The following GAB3 variants were observed in gnomAD, a reference collection of about 807,000 sequenced individuals.
GAB3 encodes the protein GRB2 associated binding protein 3, also known as GRB2-associated-binding protein 3.
In GAB3, 12 loss-of-function variants were observed where a neutral mutation model predicts 40.4. The observed-to-expected ratio is 0.30, with a 90% CI of 0.19 to 0.48. The LOEUF (loss-of-function observed/expected upper bound fraction) is 0.48, where lower values mean the gene tolerates loss of function less well. GAB3 is among the 20% of genes least tolerant of loss of function. GAB3 has a pLI of 0.99. For missense variants in GAB3, 381 were observed against 461.9 expected (o/e 0.82, Z 1.61); for synonymous variants, 154 against 176.7 (o/e 0.87, Z 1.02).
At chrX:154,732,004 C>T (rs1316685282) in intron 1 of GAB3, among the ~76,000 whole-genome samples, 1 of 111,726 alleles carries the variant, frequency 9.0e-6, no homozygotes, top group Non-Finnish European at 1.9e-5. Flanking sequence ...GAAATCAGAT[C>T]GTCTGCTTCG....
intron 2 of GAB3, among the ~76,000 whole-genome samples, chrX:154,715,421 CGTGTGGCAGAG>C (rs2071031616): frequency 3.8e-5 from 4 of 104,008 alleles, no homozygotes; most frequent in African/African-American, 1.5e-4. Flanking sequence ...TGCGTGTGTG[CGTGTGGCAGAG>C]AGAGAGAGAG....
chrX:154,693,194 C>T lies in GAB3; in HGVS notation c.1530+2723G>A, dbSNP rs781852592. 1.8e-4 allele frequency among the ~76,000 whole-genome samples: 20 copies of T among 111,528 alleles called. No homozygotes were observed. The South Asian group carries it at 7.5e-3, about 42-fold the overall frequency. On this transcript the variant is annotated intron_variant, in intron 8 of 9. Coordinates refer to ENST00000424127, the MANE Select transcript of GAB3 (RefSeq NM_001081573.3). ...ATGAAAGAAGACAAACACAAAAGGA[C>T]AAATATTGTATGACTTCACTTATAT...
At chrX:154,682,086 G>A (rs1209642275) in intron 8 of GAB3, among the ~76,000 whole-genome samples, 3 of 111,788 alleles carry the variant, frequency 2.7e-5, no homozygotes, top group Non-Finnish European at 5.7e-5. Context: ...TAGGTTTATC[G>A]CTAAATGCCT....
chrX:154,680,063 T>G, intron 9 of GAB3, 69 bp downstream of exon 9: 1 of 723,743 alleles, frequency 1.4e-6, no homozygotes. Flanking sequence ...TATGCATGGT[T>G]TGATAATCAG....
chrX:154,702,601 G>C (rs2070754066), intron 4 of GAB3, among the ~76,000 whole-genome samples: 1 of 111,964 alleles, frequency 8.9e-6, no homozygotes, highest in African/African-American at 3.2e-5. Flanking sequence ...GCACAGCAAA[G>C]AATACAATCA....
intron 1 of GAB3, among the ~76,000 whole-genome samples, chrX:154,749,532 T>C (rs1187321451): frequency 3.6e-5 from 4 of 112,312 alleles, no homozygotes; most frequent in African/African-American, 1.3e-4. Flanking sequence ...AGGAAGCAGC[T>C]GGATAATGCA....
intron 1 of GAB3, among the ~76,000 whole-genome samples, chrX:154,725,371 A>G (rs1405633965): frequency 2.7e-5 from 3 of 111,933 alleles, no homozygotes; most frequent in Non-Finnish European, 5.6e-5. Context: ...TCCTACCCAT[A>G]AAACCAATTA....
intron 8 of GAB3, among the ~76,000 whole-genome samples, chrX:154,684,336 C>A (rs1557247414): frequency 9.0e-6 from 1 of 111,550 alleles, no homozygotes; most frequent in African/African-American, 3.3e-5. Flanking sequence ...CTTTGTAGTA[C>A]AAATTTTCCT....
At chrX:154,711,262 GAGAA>G (rs1305807887) in intron 4 of GAB3, among the ~76,000 whole-genome samples, 1 of 112,151 alleles carries the variant, frequency 8.9e-6, no homozygotes, top group Non-Finnish European at 1.9e-5. Context: ...AAGAAAAAAG[GAGAA>G]AGACACAGAG....
At chrX:154,694,420 T>A (rs1381194484) in intron 8 of GAB3, among the ~76,000 whole-genome samples, 1 of 108,222 alleles carries the variant, frequency 9.2e-6, no homozygotes, top group Non-Finnish European at 1.9e-5. Context: ...AGAGTCTGGC[T>A]CTGTCGCCCA....
intron 1 of GAB3, among the ~76,000 whole-genome samples, chrX:154,742,985 C>CATATATATATAT (rs34588574): frequency 2.9e-4 from 27 of 92,327 alleles, no homozygotes; most frequent in South Asian, 1.1e-3. Context: ...AGTGTGTGTA[C>CATATATATATAT]ATATATATAT....
chrX:154,683,176 T>C (rs982230660), intron 8 of GAB3, among the ~76,000 whole-genome samples: 1 of 111,498 alleles, frequency 9.0e-6, no homozygotes, highest in East Asian at 2.8e-4. Flanking sequence ...ATGGTGTTTG[T>C]CAGCTCTGGA....
At chrX:154,703,458 C>T (rs1225876307) in intron 4 of GAB3, among the ~76,000 whole-genome samples, 6 of 110,846 alleles carry the variant, frequency 5.4e-5, no homozygotes, top group Admixed American at 9.6e-5. Flanking sequence ...ATGATGAGAA[C>T]ACATGGACAC....
chrX:154,733,984 C>T (rs1163639981), intron 1 of GAB3, among the ~76,000 whole-genome samples: 1 of 111,951 alleles, frequency 8.9e-6, no homozygotes, highest in Non-Finnish European at 1.9e-5. Context: ...GAAGAGTGTA[C>T]CTTTTTTTTG....
At chrX:154,717,012 G>C (rs1235961972) in intron 1 of GAB3, among the ~76,000 whole-genome samples, 1 of 111,908 alleles carries the variant, frequency 8.9e-6, no homozygotes, top group African/African-American at 3.3e-5. Flanking sequence ...ACTATACTAT[G>C]GGAGGGGTAA....
intron 1 of GAB3, among the ~76,000 whole-genome samples, chrX:154,741,431 A>G (rs1199893904): frequency 9.0e-6 from 1 of 111,012 alleles, no homozygotes; most frequent in East Asian, 2.8e-4. Flanking sequence ...TAATCCCAGC[A>G]CTTTGGGAGG....
intron 2 of GAB3, among the ~76,000 whole-genome samples, chrX:154,715,748 T>C (rs1263291177): frequency 8.9e-6 from 1 of 112,120 alleles, no homozygotes; most frequent in Non-Finnish European, 1.9e-5. Flanking sequence ...CATTTGACTT[T>C]CACTGTGGCT....
intron 4 of GAB3, among the ~76,000 whole-genome samples, chrX:154,710,512 C>G: frequency 8.9e-6 from 1 of 111,931 alleles, no homozygotes; most frequent in African/African-American, 3.3e-5. Context: ...GGCACTTCAT[C>G]TATGGCAGAG....
intron 1 of GAB3, among the ~76,000 whole-genome samples, chrX:154,745,198 G>T (rs1208609991): frequency 9.0e-6 from 1 of 110,736 alleles, no homozygotes; most frequent in Non-Finnish European, 1.9e-5. Flanking sequence ...CAGGCATGGT[G>T]GCAGGTGCCT....
Sources: allele counts gnomAD v4.1 joint callset (sites outside exome capture counted in the v4.1 genomes callset), GRCh38; gene constraint gnomAD v4.1.1; transcripts MANE v1.5; gene names NCBI Gene and HGNC (gene_info 2026-07-23, HGNC 2026-07-21).